ASPRV1: variants seen among roughly 807,000 people sequenced by gnomAD.
ASPRV1 encodes the protein retroviral-like aspartic protease 1.
ASPRV1 carries 7 observed loss-of-function variants against 11.0 expected under a neutral mutation model. The ratio of observed to expected loss-of-function variants is 0.64; its 90% CI spans 0.36 to 1.20. The LOEUF is 1.20. Ranked by LOEUF, ASPRV1 falls within the 50% of genes most tolerant of loss-of-function variation. The pLI, the probability that ASPRV1 is intolerant of heterozygous loss-of-function variation, is 0.02. For synonymous variants in ASPRV1, 136 were observed against 138.4 expected (o/e 0.98, Z 0.12); for missense variants, 299 against 320.0 (o/e 0.93, Z 0.50).
chr2:70,040,000 T>G, the ASPRV1 span, among the ~76,000 whole-genome samples: 2 of 152,110 alleles, frequency 1.3e-5, no homozygotes, highest in Admixed American at 1.3e-4. Context: ...GAGAATGGTG[T>G]GATGAACAAT....
the ASPRV1 span, chr2:70,070,890 A>T: frequency 1.3e-5 from 2 of 152,076 alleles, no homozygotes; most frequent in African/African-American, 4.8e-5. Flanking sequence ...TCCCCTCCCC[A>T]ACAAAAACCT....
the ASPRV1 span, among the ~76,000 whole-genome samples, chr2:70,061,074 A>G: frequency 1.3e-5 from 2 of 152,020 alleles, no homozygotes; most frequent in East Asian, 3.9e-4. Flanking sequence ...AGCCCTTCAA[A>G]AGGAGATAAT....
chr2:70,050,646 A>G, the ASPRV1 span: 1 of 152,218 alleles, frequency 6.6e-6, no homozygotes, highest in Non-Finnish European at 1.5e-5. Context: ...TTAATAAAAA[A>G]AATTATTGGA....
chr2:70,057,773 C>T, the ASPRV1 span, among the ~76,000 whole-genome samples: 83 of 151,814 alleles, frequency 5.5e-4, no homozygotes, highest in South Asian at 0.016. Context: ...GCCACTGCGC[C>T]CAGCCAGTAA....
the ASPRV1 span, among the ~76,000 whole-genome samples, chr2:70,017,792 C>T: frequency 3.9e-5 from 6 of 151,924 alleles, no homozygotes; most frequent in Non-Finnish European, 5.9e-5. Flanking sequence ...ACAATAACAA[C>T]GAACTATCAA....
chr2:69,938,108 G>A, the ASPRV1 span: 37 of 1,613,884 alleles, frequency 2.3e-5, no homozygotes, highest in Middle Eastern at 1.6e-4. Flanking sequence ...AGAAATCGAC[G>A]TTGACGTGGA....
At chr2:70,030,270 A>C in the ASPRV1 span, 57 of 152,274 alleles carry the variant, frequency 3.7e-4, no homozygotes, top group African/African-American at 7.2e-4. Flanking sequence ...TGGGAGGAGG[A>C]GGCTGCTGGT....
At chr2:69,962,984 T>C (rs960786051), upstream of ASPRV1, 2 of 312,856 alleles carry the variant, frequency 6.4e-6, no homozygotes, top group Admixed American at 7.8e-5. Context: ...GGCACACCTG[T>C]GGCTCTGGGG....
the ASPRV1 span, among the ~76,000 whole-genome samples, chr2:70,078,222 TG>T: frequency 8.9e-4 from 136 of 152,328 alleles, no homozygotes; most frequent in African/African-American, 3.2e-3. Flanking sequence ...GTTCTAGCAG[TG>T]GGGCTATAGC....
the ASPRV1 span, chr2:69,938,295 A>G: frequency 1.2e-6 from 2 of 1,612,894 alleles, no homozygotes; most frequent in East Asian, 2.2e-5. Context: ...GAGAGTGGGC[A>G]CTGCGGCTGT....
the ASPRV1 span, among the ~76,000 whole-genome samples, chr2:70,072,076 C>T: frequency 2.6e-5 from 4 of 152,022 alleles, 1 homozygote; most frequent in African/African-American, 2.4e-5. Context: ...CTCAGCCTCC[C>T]GAGTAGGTAG....
At chr2:69,983,473 C>A in the ASPRV1 span, among the ~76,000 whole-genome samples, 1 of 152,260 alleles carries the variant, frequency 6.6e-6, no homozygotes, top group South Asian at 2.1e-4. Flanking sequence ...CAGGGAGGGA[C>A]CAGAAGGCAG....
chr2:70,060,800 G>C, the ASPRV1 span, among the ~76,000 whole-genome samples: 1 of 152,040 alleles, frequency 6.6e-6, no homozygotes, highest in Non-Finnish European at 1.5e-5. Context: ...CGGGCAACAA[G>C]AGCGAAACTC....
chr2:70,038,455 T>C, the ASPRV1 span, among the ~76,000 whole-genome samples: 6 of 152,224 alleles, frequency 3.9e-5, no homozygotes, highest in African/African-American at 1.4e-4. Context: ...GGTGATCACC[T>C]GTAAGTGCTA....
At chr2:70,032,427 G>C in the ASPRV1 span, among the ~76,000 whole-genome samples, 2 of 151,916 alleles carry the variant, frequency 1.3e-5, no homozygotes, top group African/African-American at 2.4e-5. Flanking sequence ...AGGCTAACAC[G>C]GGAGGGCTGC....
the ASPRV1 span, among the ~76,000 whole-genome samples, chr2:70,068,681 A>G: frequency 6.6e-6 from 1 of 151,920 alleles, no homozygotes; most frequent in African/African-American, 2.4e-5. Flanking sequence ...TGTAATCCCA[A>G]CACTTTGGGA....
rs1373138213 is a variant in ASPRV1, at chr2:69,960,675, C to T, written c.762G>A (p.Arg254=). ...TGGCTTCTCAGTGGGATAGCTCCTGCCGCCCTTCTTCTGAGGAGGGGTCCT... is the reference window on the plus strand; with the variant it reads ...TGGCTTCTCAGTGGGATAGCTCCTGTCGCCCTTCTTCTGAGGAGGGGTCCT... ...IEEDPSSEEG[R]QELSH is the part of the protein sequence containing the mutation. The change falls in exon 1 of 1, where the codon CGG becomes CGA. Residue 254 remains arginine, a synonymous_variant. Coordinates refer to ENST00000320256, the MANE Select transcript of ASPRV1 (RefSeq NM_152792.4). 8.1e-6 allele frequency: 13 copies of T among 1,612,544 alleles called. No individual in the cohort carries two copies. Among genetic ancestry groups the T allele is most frequent in the Non-Finnish European group, 1.1e-5 (13 of 1,179,288 alleles).
chr2:70,063,464 G>A, the ASPRV1 span, among the ~76,000 whole-genome samples: 7 of 152,186 alleles, frequency 4.6e-5, no homozygotes, highest in African/African-American at 9.7e-5. Flanking sequence ...TCCTAAGGCT[G>A]CTGAGGCCAG....
chr2:70,022,514 C>T, the ASPRV1 span, among the ~76,000 whole-genome samples: 1 of 151,476 alleles, frequency 6.6e-6, no homozygotes, highest in African/African-American at 2.4e-5. Context: ...AGTGAGACCT[C>T]AACTCTACAA....
Sources: allele counts gnomAD v4.1 joint callset (sites outside exome capture counted in the v4.1 genomes callset), GRCh38; gene constraint gnomAD v4.1.1; transcripts MANE v1.5; gene names NCBI Gene and HGNC (gene_info 2026-07-23, HGNC 2026-07-21).